The following FHOD3 variants were observed in gnomAD, a reference collection of about 807,000 sequenced individuals.
The protein encoded by FHOD3 is FH1/FH2 domain-containing protein 3.
In FHOD3, 90 loss-of-function variants were observed where a neutral mutation model predicts 173.0. The observed-to-expected ratio is 0.52, with a 90% CI of 0.44 to 0.62. FHOD3 has a LOEUF of 0.62. Ranked by LOEUF, FHOD3 falls within the 20% of genes least tolerant of loss-of-function variation. The pLI is 0.00. For synonymous variants in FHOD3, 828 were observed against 823.0 expected (o/e 1.01, Z -0.10); for missense variants, 1,945 against 2,034.7 (o/e 0.96, Z 0.85).
Position 36,718,361 on chromosome 18 carries a change from A to ACCCCCC in FHOD3, c.3065_3066insCCCCCC (p.Pro1026_Pro1027dup). 1.5e-6 allele frequency: 2 copies of ACCCCCC among 1,329,388 alleles called. No homozygotes were observed. The highest frequency in any genetic ancestry group is 1.2e-5 in the South Asian group (1 of 85,108). The allele number at this position is 1,329,388 out of a possible 1,614,324, so 82.3% of individuals were successfully genotyped here. On this transcript the variant is annotated inframe_insertion, in exon 19 of 29. Coordinates refer to ENST00000590592, the MANE Select transcript of FHOD3 (RefSeq NM_001281740.3). ...TGGGTCACAGGGAGGCCCCTGGGCCACCTCCCCCACCCCCACCCACCTTTC... is the reference window on the plus strand; with the variant it reads ...TGGGTCACAGGGAGGCCCCTGGGCCACCCCCCCCTCCCCCACCCCCACCCACCTTTC...
At chr18:36,432,588 G>C (rs2050610175) in intron 3 of FHOD3, among the ~76,000 whole-genome samples, 1 of 152,160 alleles carries the variant, frequency 6.6e-6, no homozygotes, top group Non-Finnish European at 1.5e-5. Context: ...TGTATGCTGG[G>C]TGTCCAGTTC....
chr18:36,660,783 G>C (rs746565318), intron 14 of FHOD3, among the ~76,000 whole-genome samples: 1 of 152,164 alleles, frequency 6.6e-6, no homozygotes, highest in African/African-American at 2.4e-5. Flanking sequence ...CTTGAAGAAG[G>C]CTCTGGAGTT....
chr18:36,579,093 T>C (rs2058758121), intron 6 of FHOD3, among the ~76,000 whole-genome samples: 1 of 152,224 alleles, frequency 6.6e-6, no homozygotes, highest in Non-Finnish European at 1.5e-5. Flanking sequence ...ATATCTCATA[T>C]CCTGTTTCAG....
chr18:36,495,491 G>A (rs531588515), intron 3 of FHOD3, among the ~76,000 whole-genome samples: 50 of 152,306 alleles, frequency 3.3e-4, no homozygotes, highest in African/African-American at 4.8e-4. Flanking sequence ...TTTGGGATTC[G>A]CATATAGGTG....
intron 10 of FHOD3, among the ~76,000 whole-genome samples, chr18:36,631,517 C>G (rs1422473194): frequency 6.6e-6 from 1 of 152,210 alleles, no homozygotes; most frequent in African/African-American, 2.4e-5. Context: ...ACAGTAACAG[C>G]CACAACAACA....
At chr18:36,302,511 A>G (rs926351709) in intron 1 of FHOD3, among the ~76,000 whole-genome samples, 4 of 152,174 alleles carry the variant, frequency 2.6e-5, no homozygotes, top group Non-Finnish European at 4.4e-5. Context: ...CTCTCAGTAC[A>G]TGGGGGTTCT....
intron 10 of FHOD3, among the ~76,000 whole-genome samples, chr18:36,632,289 A>AT (rs992555976): frequency 3.3e-5 from 5 of 152,148 alleles, no homozygotes; most frequent in East Asian, 1.9e-4. Flanking sequence ...TGTAATTTGC[A>AT]TTTTTTTATT....
intron 10 of FHOD3, among the ~76,000 whole-genome samples, chr18:36,629,152 C>T (rs1305586274): frequency 3.3e-5 from 5 of 152,132 alleles, no homozygotes; most frequent in Admixed American, 1.3e-4. Flanking sequence ...ACTAGTGCCA[C>T]GTGCCTCAGC....
intron 1 of FHOD3, among the ~76,000 whole-genome samples, chr18:36,315,535 G>C (rs903595201): frequency 1.2e-4 from 18 of 152,094 alleles, no homozygotes; most frequent in African/African-American, 4.3e-4. Flanking sequence ...GAGGGCATGT[G>C]GGGGTTAAGG....
chr18:36,699,041 A>G (rs968547438), intron 17 of FHOD3, among the ~76,000 whole-genome samples: 2 of 152,174 alleles, frequency 1.3e-5, no homozygotes, highest in Non-Finnish European at 2.9e-5. Context: ...GGGAGACCCT[A>G]TCTTCTAAGA....
At chr18:36,621,998 T>G (rs977430858) in intron 9 of FHOD3, among the ~76,000 whole-genome samples, 2 of 152,234 alleles carry the variant, frequency 1.3e-5, no homozygotes, top group African/African-American at 4.8e-5. Flanking sequence ...CAATGGAATA[T>G]TTTCAGTCTT....
intron 3 of FHOD3, among the ~76,000 whole-genome samples, chr18:36,479,506 G>T (rs1169927958): frequency 6.6e-6 from 1 of 152,066 alleles, no homozygotes; most frequent in Non-Finnish European, 1.5e-5. Flanking sequence ...GAAAATTTCT[G>T]CCACATTGTA....
At chr18:36,335,007 G>T (rs1225988141) in intron 1 of FHOD3, among the ~76,000 whole-genome samples, 1 of 152,200 alleles carries the variant, frequency 6.6e-6, no homozygotes, top group Non-Finnish European at 1.5e-5. Flanking sequence ...CCTGAGGCCT[G>T]TCCCTACCCC....
At chr18:36,608,063 T>A (rs2032273231) in intron 8 of FHOD3, among the ~76,000 whole-genome samples, 1 of 152,226 alleles carries the variant, frequency 6.6e-6, no homozygotes, top group Admixed American at 6.5e-5. Context: ...CTTCTCCAAA[T>A]TTTTCCAGCC....
chr18:36,418,655 A>G (rs2049804370), intron 3 of FHOD3, among the ~76,000 whole-genome samples: 1 of 152,092 alleles, frequency 6.6e-6, no homozygotes. Flanking sequence ...GCTCACACCT[A>G]CAACCCCAGC....
intron 3 of FHOD3, among the ~76,000 whole-genome samples, chr18:36,464,743 G>T (rs1172256244): frequency 6.6e-6 from 1 of 152,090 alleles, no homozygotes; most frequent in African/African-American, 2.4e-5. Flanking sequence ...GGCAAAGGGG[G>T]AGGGAGGTCC....
intron 3 of FHOD3, among the ~76,000 whole-genome samples, chr18:36,453,117 A>G (rs897641907): frequency 5.3e-5 from 8 of 152,108 alleles, no homozygotes; most frequent in Non-Finnish European, 1.0e-4. Flanking sequence ...TAGATACTAG[A>G]TATTTGCCAG....
intron 3 of FHOD3, among the ~76,000 whole-genome samples, chr18:36,469,384 A>C (rs911076737): frequency 3.3e-5 from 5 of 152,170 alleles, no homozygotes; most frequent in Non-Finnish European, 1.5e-5. Flanking sequence ...CGAGCTGCCC[A>C]CTGCAGTGTA....
At chr18:36,679,684 AT>A (rs1341367931) in intron 14 of FHOD3, among the ~76,000 whole-genome samples, 3 of 151,420 alleles carry the variant, frequency 2.0e-5, no homozygotes, top group Non-Finnish European at 4.4e-5. Context: ...AATTATATGG[AT>A]TTTTTTCAAA....
Sources: allele counts gnomAD v4.1 joint callset (sites outside exome capture counted in the v4.1 genomes callset), GRCh38; gene constraint gnomAD v4.1.1; transcripts MANE v1.5; gene names NCBI Gene and HGNC (gene_info 2026-07-23, HGNC 2026-07-21).